BCAS3: variants seen among roughly 807,000 people sequenced by gnomAD.
BCAS3 encodes the protein BCAS3 microtubule associated cell migration factor.
A neutral mutation model predicts 116.1 loss-of-function variants in BCAS3; 53 were observed. The ratio of observed to expected loss-of-function variants is 0.46; its 90% CI spans 0.37 to 0.57. BCAS3 has a LOEUF of 0.57. BCAS3 is among the 20% of genes least tolerant of loss of function. The pLI is 0.00. For synonymous variants in BCAS3, 391 were observed against 408.2 expected, an observed-to-expected ratio of 0.96 and a Z score of 0.51; for missense variants, 917 against 1,165.4, an observed-to-expected ratio of 0.79 and a Z score of 3.10.
At chr17:61,187,457 TTATAGTC>T (rs1196069854) in intron 22 of BCAS3, among the ~76,000 whole-genome samples, 1 of 152,196 alleles carries the variant, frequency 6.6e-6, no homozygotes, top group Admixed American at 6.5e-5. Context: ...TTCCCTTAGT[TTATAGTC>T]TATACTTAAA....
rs1483775469 is a variant in BCAS3, at chr17:61,313,738, C to T, written c.2426-54589C>T. 6.6e-6 allele frequency among the ~76,000 whole-genome samples: 1 copy of T among 152,194 alleles called. No homozygotes were observed. The highest frequency in any genetic ancestry group is 1.5e-5 in the Non-Finnish European group (1 of 68,038). On this transcript the variant is annotated intron_variant, in intron 22 of 23. Transcript: ENST00000407086. The surrounding 1 kb of genome is among the most constrained non-coding windows in gnomAD (Gnocchi z 4.3). Reference sequence around the variant, plus strand: ...AGTTAACGATTAAACAAGAAGCAGCCTTTGGCTACAAAGCTAATGGTTTGG... The same window carrying T: ...AGTTAACGATTAAACAAGAAGCAGCTTTTGGCTACAAAGCTAATGGTTTGG...
At chr17:60,880,376 T>C (rs9905915) in intron 9 of BCAS3, among the ~76,000 whole-genome samples, 47,181 of 151,882 alleles carry the variant, frequency 0.31, 12,391 homozygotes, top group African/African-American at 0.72. Context: ...GCAGCCTCCA[T>C]CTCCCGGCTT....
At chr17:60,984,020 A>G (rs1420059663) in intron 14 of BCAS3, among the ~76,000 whole-genome samples, 1 of 152,232 alleles carries the variant, frequency 6.6e-6, no homozygotes, top group Non-Finnish European at 1.5e-5. Flanking sequence ...TAGGCAAGCT[A>G]CAGAGGTTAA....
chr17:61,304,569 T>C (rs1278701009), intron 22 of BCAS3, among the ~76,000 whole-genome samples: 1 of 152,176 alleles, frequency 6.6e-6, no homozygotes, highest in African/African-American at 2.4e-5. Context: ...TCGTCTAACC[T>C]TATTTCCCCC....
Position 61,084,160 on chromosome 17 carries a change from T to G in BCAS3, c.2328-307T>G, listed in dbSNP as rs1009135274. Among the ~76,000 whole-genome samples the G allele has an allele frequency of 2.0e-5, 3 of 152,212 alleles. No individual in the cohort carries two copies. The highest frequency in any genetic ancestry group is 4.4e-5 in the Non-Finnish European group (3 of 68,040). On this transcript the variant is annotated intron_variant, in intron 21 of 23. Transcript: ENST00000407086. This position sits in a 1 kb window ranked among gnomAD's most constrained non-coding sequence, Gnocchi z 5.5. ...TTTCAGTATAAACATTTTCAGTGTT[T>G]AATTTCCTCTCCCATTCTACTTATT...
At chr17:61,301,041 T>A (rs1018721590) in intron 22 of BCAS3, among the ~76,000 whole-genome samples, 3 of 152,262 alleles carry the variant, frequency 2.0e-5, no homozygotes, top group Admixed American at 6.5e-5. Flanking sequence ...TACTTATTTT[T>A]AACATATTAA....
Position 61,380,423 on chromosome 17 carries a change from C to A in BCAS3, c.2594-11554C>A. 7.4e-7 allele frequency: 1 copy of A among 1,343,954 alleles called. No homozygotes were observed. The highest frequency in any genetic ancestry group is 1.0e-6 in the Non-Finnish European group (1 of 964,798). 83.3% of individuals were successfully genotyped at this position (1,343,954 alleles called of 1,614,324 possible). The stretch of plus-strand genomic sequence containing the variant: ...TGGTCAAACCAGATTTGGGTATCGA[C>A]TCACTTTGATCTCAGCTCTTCCTGC... On this transcript the variant is annotated intron_variant, in intron 23 of 23. Coordinates refer to ENST00000407086, the MANE Select transcript of BCAS3 (RefSeq NM_017679.5). This position sits in a 1 kb window ranked among gnomAD's most constrained non-coding sequence, Gnocchi z 4.2.
intron 22 of BCAS3, among the ~76,000 whole-genome samples, chr17:61,193,725 C>G (rs1050759962): frequency 2.3e-5 from 3 of 132,684 alleles, no homozygotes; most frequent in Non-Finnish European, 4.6e-5. Flanking sequence ...CCATTGCACT[C>G]CAGCCTGGGC....
chr17:61,370,045 C>A (rs531331698), intron 23 of BCAS3, among the ~76,000 whole-genome samples: 1 of 152,320 alleles, frequency 6.6e-6, no homozygotes, highest in East Asian at 1.9e-4. Flanking sequence ...TGTCATCCGG[C>A]AAGAGGATTT....
intron 7 of BCAS3, among the ~76,000 whole-genome samples, chr17:60,845,333 G>A (rs2052414971): frequency 6.6e-6 from 1 of 152,238 alleles, no homozygotes. Flanking sequence ...TGGCAGTGGT[G>A]TGTCATTGAA....
chr17:61,053,377 G>A (rs899563967), intron 19 of BCAS3, among the ~76,000 whole-genome samples: 2 of 152,142 alleles, frequency 1.3e-5, no homozygotes, highest in Admixed American at 1.3e-4. Context: ...GTTGTTTCAT[G>A]AGTTTTGAGT....
intron 16 of BCAS3, among the ~76,000 whole-genome samples, chr17:61,025,807 T>C (rs2066203964): frequency 6.6e-6 from 1 of 152,140 alleles, no homozygotes; most frequent in Non-Finnish European, 1.5e-5. Context: ...TCTTTGTATA[T>C]AATGCGCTTC....
chr17:60,825,537 T>C (rs1475924333), intron 7 of BCAS3, among the ~76,000 whole-genome samples: 5 of 136,768 alleles, frequency 3.7e-5, no homozygotes, highest in Non-Finnish European at 7.8e-5. Flanking sequence ...TATAATAATT[T>C]ATAAATAATT....
rs942459561 is a variant in BCAS3 at position 61,353,073 on chromosome 17, T to C, written c.2426-15254T>C. On this transcript the variant is annotated intron_variant, in intron 22 of 23. Coordinates refer to ENST00000407086, the MANE Select transcript of BCAS3 (RefSeq NM_017679.5). Reference sequence around the variant, plus strand: ...GGAGGAGAGGAAAGGGAGACATCAGTTGAATGTCTGCTGGATAGACAAGCC... The same window carrying C: ...GGAGGAGAGGAAAGGGAGACATCAGCTGAATGTCTGCTGGATAGACAAGCC... 9.2e-5 allele frequency among the ~76,000 whole-genome samples: 14 copies of C among 152,116 alleles called. 1 individual carries two copies. Among genetic ancestry groups the C allele is most frequent in the Admixed American group, 7.9e-4 (12 of 15,266 alleles).
intron 22 of BCAS3, among the ~76,000 whole-genome samples, chr17:61,231,978 G>C (rs1007223836): frequency 1.3e-5 from 2 of 151,548 alleles, no homozygotes; most frequent in South Asian, 2.1e-4. Context: ...AGGCCGAGGG[G>C]GGTGGATCAC....
chr17:61,146,850 T>A (rs2077244846), intron 22 of BCAS3, among the ~76,000 whole-genome samples: 1 of 152,204 alleles, frequency 6.6e-6, no homozygotes, highest in Non-Finnish European at 1.5e-5. Context: ...ATGCACTTGC[T>A]AGAGAAAATG....
Position 61,313,613 on chromosome 17 carries a change from G to A in BCAS3, c.2426-54714G>A, listed in dbSNP as rs1028985561. Among the ~76,000 whole-genome samples, 1 of 152,184 alleles carries A rather than the reference G, an allele frequency of 6.6e-6. No homozygotes were observed. The highest frequency in any genetic ancestry group is 6.5e-5 in the Admixed American group (1 of 15,282). ...AGGCTGGAGGACAGAGCTTGGACTCGGGTCCAGCTCGGCGTCCTCCCTCGG... is the reference window on the plus strand; with the variant it reads ...AGGCTGGAGGACAGAGCTTGGACTCAGGTCCAGCTCGGCGTCCTCCCTCGG... On this transcript the variant is annotated intron_variant, in intron 22 of 23. Transcript: ENST00000407086. The surrounding 1 kb of genome is among the most constrained non-coding windows in gnomAD (Gnocchi z 4.3).
rs1242212438 is a variant in BCAS3, at chr17:61,355,918, T to A, written c.2426-12409T>A. ...TGTATTCTGAGCCCTGCCATAGGAATCCTATCACAGCTCTATGTGTATGTT... is the reference window on the plus strand; with the variant it reads ...TGTATTCTGAGCCCTGCCATAGGAAACCTATCACAGCTCTATGTGTATGTT... On this transcript the variant is annotated intron_variant, in intron 22 of 23. Transcript: ENST00000407086. This position sits in a 1 kb window ranked among gnomAD's most constrained non-coding sequence, Gnocchi z 4.2. 6.6e-6 allele frequency among the ~76,000 whole-genome samples: 1 copy of A among 152,212 alleles called. No individual in the cohort carries two copies. The highest frequency in any genetic ancestry group is 2.4e-5 in the African/African-American group (1 of 41,448).
intron 22 of BCAS3, among the ~76,000 whole-genome samples, chr17:61,102,241 T>C (rs1257028134): frequency 6.6e-6 from 1 of 152,154 alleles, no homozygotes; most frequent in Non-Finnish European, 1.5e-5. Context: ...AGAAACCTAT[T>C]TGGAGAGGTT....
Sources: gnomAD v4.1 joint callset for allele counts (sites outside exome capture counted in the v4.1 genomes callset) on GRCh38, gnomAD v4.1.1 for gene constraint, Gnocchi (gnomAD v3.1) non-coding constraint, MANE v1.5 for transcripts, NCBI Gene and HGNC (gene_info 2026-07-23, HGNC 2026-07-21) for gene names.